Variants in GPC6 observed in about 807,000 individuals in gnomAD.
The protein encoded by GPC6 is glypican 6.
Under a neutral mutation model 55.2 loss-of-function variants are expected in GPC6, and 14 were observed. The observed-to-expected ratio is 0.25, with a 90% CI of 0.17 to 0.40. GPC6 has a LOEUF of 0.40. GPC6 is among the 10% of genes least tolerant of loss of function. GPC6 has a pLI of 1.00. For missense variants in GPC6, 641 were observed against 708.5 expected (o/e 0.90, Z 1.08); for synonymous variants, 278 against 259.6 (o/e 1.07, Z -0.68).
At chr13:93,987,185 G>A (rs938030233) in intron 3 of GPC6, among the ~76,000 whole-genome samples, 5 of 151,986 alleles carry the variant, frequency 3.3e-5, no homozygotes, top group African/African-American at 1.2e-4. Flanking sequence ...ATATTTCTTT[G>A]GACATAAGAA....
chr13:94,084,708 G>A (rs1246003896), intron 4 of GPC6, among the ~76,000 whole-genome samples: 1 of 152,118 alleles, frequency 6.6e-6, no homozygotes, highest in East Asian at 1.9e-4. Flanking sequence ...AGTTGATAAA[G>A]TTTAAGTCTA....
intron 2 of GPC6, among the ~76,000 whole-genome samples, chr13:93,790,087 T>G (rs543426458): frequency 6.6e-6 from 1 of 152,288 alleles, no homozygotes; most frequent in African/African-American, 2.4e-5. Flanking sequence ...CATAACAGAA[T>G]GTCAGTTAAT....
chr13:93,564,394 G>T (rs1875979387), intron 2 of GPC6, among the ~76,000 whole-genome samples: 3 of 152,072 alleles, frequency 2.0e-5, no homozygotes, highest in African/African-American at 7.2e-5. Context: ...GTCTTTGGGA[G>T]CAGCAATAAG....
rs1183001694 is a variant in GPC6 at position 94,046,626 on chromosome 13, T to G, written c.877+18732T>G. 2.6e-5 allele frequency among the ~76,000 whole-genome samples: 4 copies of G among 152,118 alleles called. No homozygotes were observed. The East Asian group carries it at 7.7e-4, about 29-fold the overall frequency. ...GACTGTCAGAGTGGCTCACTTTTAT[T>G]TCTTATAACATGAAATTATTATTAT... is the stretch of plus-strand genomic sequence containing the variant. On this transcript the variant is annotated intron_variant, in intron 4 of 8. Transcript: ENST00000377047.
chr13:94,328,497 T>C (rs1877239380), intron 6 of GPC6, among the ~76,000 whole-genome samples: 1 of 152,186 alleles, frequency 6.6e-6, no homozygotes, highest in Non-Finnish European at 1.5e-5. Flanking sequence ...AGCTTTGCTT[T>C]CTGGCTGTTC....
chr13:93,307,244 T>A (rs1320426599), intron 1 of GPC6, among the ~76,000 whole-genome samples: 2 of 152,126 alleles, frequency 1.3e-5, no homozygotes, highest in African/African-American at 4.8e-5. Flanking sequence ...ATGGGTGAAA[T>A]TATAGCCATA....
intron 1 of GPC6, among the ~76,000 whole-genome samples, chr13:93,423,378 A>G (rs1435709082): frequency 1.3e-5 from 2 of 152,298 alleles, no homozygotes; most frequent in East Asian, 3.9e-4. Flanking sequence ...GAAAAAGTCA[A>G]ATGTCCCTGA....
chr13:93,607,921 A>C (rs1204414254), intron 2 of GPC6, among the ~76,000 whole-genome samples: 1 of 152,190 alleles, frequency 6.6e-6, no homozygotes, highest in East Asian at 1.9e-4. Flanking sequence ...GCCACCTGCC[A>C]GCATCCTATT....
chr13:93,863,198 G>T (rs1888866799), intron 3 of GPC6, among the ~76,000 whole-genome samples: 1 of 151,596 alleles, frequency 6.6e-6, no homozygotes, highest in African/African-American at 2.4e-5. Flanking sequence ...ACAGCCTGAA[G>T]ACCAAAGCCA....
At chr13:93,678,319 C>G (rs1157299165) in intron 2 of GPC6, among the ~76,000 whole-genome samples, 1 of 152,140 alleles carries the variant, frequency 6.6e-6, no homozygotes, top group East Asian at 1.9e-4. Flanking sequence ...AGCATAGTCT[C>G]TTTTAATAAT....
intron 6 of GPC6, among the ~76,000 whole-genome samples, chr13:94,341,710 G>C (rs1878048106): frequency 6.6e-6 from 1 of 151,882 alleles, no homozygotes; most frequent in African/African-American, 2.4e-5. Flanking sequence ...AAAATTCAAA[G>C]GAAAATATCT....
chr13:93,738,772 C>T (rs1203485410), intron 2 of GPC6, among the ~76,000 whole-genome samples: 2 of 152,132 alleles, frequency 1.3e-5, no homozygotes, highest in African/African-American at 4.8e-5. Flanking sequence ...GAATTCTACA[C>T]ATTCTGATAC....
At chr13:94,317,872 T>C (rs1190324018) in intron 6 of GPC6, among the ~76,000 whole-genome samples, 1 of 152,128 alleles carries the variant, frequency 6.6e-6, no homozygotes, top group African/African-American at 2.4e-5. Context: ...TGCATGTGTG[T>C]GCATGTGTGT....
At chr13:94,108,171 C>T (rs2138835774) in intron 4 of GPC6, among the ~76,000 whole-genome samples, 1 of 152,118 alleles carries the variant, frequency 6.6e-6, no homozygotes, top group African/African-American at 2.4e-5. Context: ...GATGAAGAAA[C>T]TGTGGTATAT....
At chr13:93,565,192 C>G (rs1286960615) in intron 2 of GPC6, among the ~76,000 whole-genome samples, 2 of 152,124 alleles carry the variant, frequency 1.3e-5, no homozygotes, top group Admixed American at 6.5e-5. Context: ...GTCTCCATTT[C>G]TGCCCTCCCT....
At chr13:93,524,311 C>T (rs577101816) in intron 1 of GPC6, among the ~76,000 whole-genome samples, 2 of 152,072 alleles carry the variant, frequency 1.3e-5, no homozygotes, top group South Asian at 4.1e-4. Context: ...CAGGAGTATG[C>T]TTCCTAAGTG....
chr13:94,347,917 G>A (rs1326358822), intron 6 of GPC6, among the ~76,000 whole-genome samples: 1 of 152,220 alleles, frequency 6.6e-6, no homozygotes, highest in Non-Finnish European at 1.5e-5. Flanking sequence ...GTGGGTACCC[G>A]ATGTGCGAGA....
intron 1 of GPC6, among the ~76,000 whole-genome samples, chr13:93,264,488 C>T (rs1055422456): frequency 6.6e-6 from 1 of 152,164 alleles, no homozygotes; most frequent in African/African-American, 2.4e-5. Flanking sequence ...TAGCTCCCTG[C>T]AGCCTCTAAT....
intron 1 of GPC6, among the ~76,000 whole-genome samples, chr13:93,514,387 G>C (rs1383421338): frequency 6.6e-6 from 1 of 152,106 alleles, no homozygotes; most frequent in Non-Finnish European, 1.5e-5. Flanking sequence ...GGGAAAATAA[G>C]ACTCACAACC....
Sources: allele counts gnomAD v4.1 joint callset (sites outside exome capture counted in the v4.1 genomes callset), GRCh38; gene constraint gnomAD v4.1.1; transcripts MANE v1.5; gene names NCBI Gene and HGNC (gene_info 2026-07-23, HGNC 2026-07-21).